MINK1: variants seen among roughly 807,000 people sequenced by gnomAD.
MINK1 encodes misshapen-like kinase 1.
Under a neutral mutation model 178.4 loss-of-function variants are expected in MINK1, and 46 were observed. That is an observed-to-expected ratio of 0.26 (90% confidence interval 0.20 to 0.33). The LOEUF is 0.33. MINK1 is among the 10% of genes least tolerant of loss of function. The pLI, the probability that MINK1 is intolerant of heterozygous loss-of-function variation, is 1.00. For synonymous variants in MINK1, 797 were observed against 709.7 expected (o/e 1.12, Z -1.96); for missense variants, 1,366 against 1,814.9 (o/e 0.75, Z 4.49).
At chr17:4,847,607 G>C (rs1354622872) in intron 1 of MINK1, among the ~76,000 whole-genome samples, 1 of 152,142 alleles carries the variant, frequency 6.6e-6, no homozygotes, top group African/African-American at 2.4e-5. Context: ...TGCTTTATTT[G>C]TTCTCACACT....
intron 16 of MINK1, among the ~76,000 whole-genome samples, 159 bp downstream of exon 16, chr17:4,891,875 C>T (rs1024797940): frequency 1.3e-5 from 2 of 152,184 alleles, no homozygotes; most frequent in African/African-American, 2.4e-5. Flanking sequence ...GCTGAGGACG[C>T]GACGTGGAGG....
At chr17:4,834,777 A>G (rs374545539) in intron 1 of MINK1, 1 of 519,850 alleles carries the variant, frequency 1.9e-6, no homozygotes, top group Non-Finnish European at 3.8e-6. Flanking sequence ...TCCCATCTCT[A>G]GGTTCGCTTC....
intron 1 of MINK1, among the ~76,000 whole-genome samples, chr17:4,838,689 G>C (rs1305999828): frequency 6.6e-6 from 1 of 152,176 alleles, no homozygotes; most frequent in African/African-American, 2.4e-5. Context: ...TTCTGGACTG[G>C]AGAACATCTC....
intron 1 of MINK1, among the ~76,000 whole-genome samples, chr17:4,863,574 T>C (rs1422106112): frequency 1.3e-5 from 2 of 152,114 alleles, no homozygotes; most frequent in African/African-American, 2.4e-5. Context: ...CAAAGCACAC[T>C]GCAGGCCTTG....
chr17:4,852,082 G>A (rs548764826), intron 1 of MINK1, among the ~76,000 whole-genome samples: 1 of 151,472 alleles, frequency 6.6e-6, no homozygotes, highest in African/African-American at 2.4e-5. Context: ...ATTATGAGGT[G>A]CTGATTCATA....
intron 1 of MINK1, among the ~76,000 whole-genome samples, chr17:4,840,270 G>A (rs1387061199): frequency 6.6e-6 from 1 of 152,086 alleles, no homozygotes; most frequent in African/African-American, 2.4e-5. Flanking sequence ...TCTGGAATGG[G>A]GCCATTCTTA....
intron 1 of MINK1, chr17:4,850,951 C>G (rs1008621149): frequency 1.8e-5 from 8 of 456,232 alleles, no homozygotes; most frequent in Middle Eastern, 3.2e-4. Context: ...CTTCCTTGCT[C>G]TCTCTGGTGT....
chr17:4,894,114 T>G lies in MINK1; in HGVS notation c.2670+21T>G, dbSNP rs1428953888. On this transcript the variant is annotated intron_variant, in intron 22 of 31. Coordinates refer to ENST00000355280, the MANE Select transcript of MINK1 (RefSeq NM_153827.5). The surrounding 1 kb of genome is among the most constrained non-coding windows in gnomAD (Gnocchi z 4.1). ...AGCGCGTGAGTGAGCCTCTGCTCCC[T>G]CCCCTGTACCTGTGTGTGCCCTCCT... is the stretch of plus-strand genomic sequence containing the variant. 1 of 1,602,450 alleles carries G rather than the reference T, an allele frequency of 6.2e-7. No homozygotes were observed. The highest frequency in any genetic ancestry group is 8.5e-7 in the Non-Finnish European group (1 of 1,173,026).
intron 1 of MINK1, among the ~76,000 whole-genome samples, chr17:4,849,590 G>C (rs1182553702): frequency 6.6e-6 from 1 of 152,108 alleles, no homozygotes; most frequent in African/African-American, 2.4e-5. Flanking sequence ...TTGTTTGTTT[G>C]AGATGGAGTT....
chr17:4,867,890 A>G lies in MINK1; in HGVS notation c.58-10427A>G, dbSNP rs184893249. On this transcript the variant is annotated intron_variant, in intron 1 of 31. Coordinates refer to ENST00000355280, the MANE Select transcript of MINK1 (RefSeq NM_153827.5). ...TGTGATCTTTTGATACATGCATACT[A>G]TGTATAATTAAATCAGCATAATTTG... 6.6e-5 allele frequency among the ~76,000 whole-genome samples: 10 copies of G among 152,216 alleles called. No individual in the cohort carries two copies. The East Asian group carries it at 1.9e-3, about 29-fold the overall frequency.
Position 4,894,669 on chromosome 17 carries a change from G to T in MINK1, c.2917+36G>T. 1 of 1,520,712 alleles carries T rather than the reference G, an allele frequency of 6.6e-7. No individual in the cohort carries two copies. The highest frequency in any genetic ancestry group is 9.0e-7 in the Non-Finnish European group (1 of 1,110,760). The allele number at this position is 1,520,712 out of a possible 1,614,324, so 94.2% of individuals were successfully genotyped here. Reference sequence around the variant, plus strand: ...GAGGACAGACCTGCTGTGAGGCCAGGGTCCAGGGGCAGCCTGGAGGGGAGC... The same window carrying T: ...GAGGACAGACCTGCTGTGAGGCCAGTGTCCAGGGGCAGCCTGGAGGGGAGC... On this transcript the variant is annotated intron_variant, in intron 24 of 31. Coordinates refer to ENST00000355280, the MANE Select transcript of MINK1 (RefSeq NM_153827.5). The surrounding 1 kb of genome is among the most constrained non-coding windows in gnomAD (Gnocchi z 4.1).
chr17:4,860,609 G>C, intron 1 of MINK1: 1 of 459,198 alleles, frequency 2.2e-6, no homozygotes, highest in South Asian at 1.5e-5. Context: ...AGCACCGTGA[G>C]AGCTGCAACG....
intron 1 of MINK1, chr17:4,871,180 AATTTT>A: frequency 1.8e-5 from 3 of 168,132 alleles, no homozygotes; most frequent in South Asian, 6.9e-5. Flanking sequence ...TGTTTGTTTT[AATTTT>A]TTTTTTTTTT....
At chr17:4,867,074 A>AAATAAT (rs56934978) in intron 1 of MINK1, among the ~76,000 whole-genome samples, 12,582 of 119,776 alleles carry the variant, frequency 0.11, 839 homozygotes, top group East Asian at 0.28. Context: ...ACTCGTCTCA[A>AAATAAT]AATAATAATA....
intron 21 of MINK1, 39 bp from the exon 22 acceptor site, chr17:4,893,948 CG>C (rs758416809): frequency 6.1e-6 from 9 of 1,483,264 alleles, no homozygotes; most frequent in African/African-American, 1.4e-5. Flanking sequence ...TCTGTGGCCA[CG>C]GGCAGGACCT....
chr17:4,838,067 C>G (rs1909575998), intron 1 of MINK1, among the ~76,000 whole-genome samples: 1 of 152,156 alleles, frequency 6.6e-6, no homozygotes, highest in Non-Finnish European at 1.5e-5. Flanking sequence ...ATGTTGATGA[C>G]AGATGCCTTA....
In MINK1 at chr17:4,834,674, A is replaced by G. The variant is rs1450570802; in HGVS notation, c.57+1034A>G. 1.2e-5 allele frequency: 6 copies of G among 487,648 alleles called. No homozygotes were observed. In the East Asian group the frequency reaches 3.4e-4, roughly 27 times the overall value. The allele number at this position is 487,648 out of a possible 1,614,324, so 30.2% of individuals were successfully genotyped here. ...GCTTAAGGGGCAACTTAGTGATTTCAAGGTGAACACTCCAGACTATCAGCC... is the reference window on the plus strand; with the variant it reads ...GCTTAAGGGGCAACTTAGTGATTTCGAGGTGAACACTCCAGACTATCAGCC... On this transcript the variant is annotated intron_variant, in intron 1 of 31. Transcript: ENST00000355280.
chr17:4,865,721 A>C (rs1345550734), intron 1 of MINK1, among the ~76,000 whole-genome samples: 3 of 6,238 alleles, frequency 4.8e-4, no homozygotes, highest in Non-Finnish European at 1.3e-3. Flanking sequence ...GTCTCTACCA[A>C]AAAAAAAAAA....
At chr17:4,893,241 C>T (rs905027790) in intron 20 of MINK1, 174 bp downstream of exon 20, 2 of 1,597,980 alleles carry the variant, frequency 1.3e-6, no homozygotes, top group South Asian at 1.1e-5. Context: ...TAACCTCTCT[C>T]CTAACCTCTC....
Sources: gnomAD v4.1 joint callset for allele counts (sites outside exome capture counted in the v4.1 genomes callset) on GRCh38, gnomAD v4.1.1 for gene constraint, Gnocchi (gnomAD v3.1) non-coding constraint, MANE v1.5 for transcripts, NCBI Gene and HGNC (gene_info 2026-07-23, HGNC 2026-07-21) for gene names.